LCA5L: variants seen among roughly 807,000 people sequenced by gnomAD.
LCA5L encodes the protein lebercilin LCA5 like.
A neutral mutation model predicts 45.4 loss-of-function variants in LCA5L; 35 were observed. That is an observed-to-expected ratio of 0.77 (90% CI 0.59 to 1.02). The LOEUF is 1.02. Ranked by LOEUF, LCA5L falls within the 50% of genes least tolerant of loss-of-function variation. The pLI is 0.00. For synonymous variants in LCA5L, 233 were observed against 264.7 expected, an observed-to-expected ratio of 0.88 and a Z score of 1.16; for missense variants, 668 against 761.6, an observed-to-expected ratio of 0.88 and a Z score of 1.45.
chr21:39,431,184 G>A (rs774946036), intron 3 of LCA5L, among the ~76,000 whole-genome samples: 16 of 152,146 alleles, frequency 1.1e-4, no homozygotes, highest in Non-Finnish European at 2.1e-4. Flanking sequence ...AGGTGTTACC[G>A]CCCTCTCCAC....
chr21:39,432,164 AACTG>A (rs2148051713), intron 3 of LCA5L, among the ~76,000 whole-genome samples: 1 of 152,330 alleles, frequency 6.6e-6, no homozygotes, highest in South Asian at 2.1e-4. Flanking sequence ...TCAGTGTATA[AACTG>A]ACTGGCCCAG....
At chr21:39,430,035 C>T (rs2075509700) in intron 3 of LCA5L, among the ~76,000 whole-genome samples, 1 of 151,948 alleles carries the variant, frequency 6.6e-6, no homozygotes, top group African/African-American at 2.4e-5. Context: ...AACAAACAAA[C>T]AAACAAACAA....
At chr21:39,439,394 T>G (rs2148246860) in intron 2 of LCA5L, among the ~76,000 whole-genome samples, 1 of 152,354 alleles carries the variant, frequency 6.6e-6, no homozygotes, top group East Asian at 1.9e-4. Context: ...TTGAAGCCAC[T>G]GAGTTTGTGG....
chr21:39,410,189 T>A, intron 9 of LCA5L, 75 bp downstream of exon 9: 1 of 1,246,380 alleles, frequency 8.0e-7, no homozygotes, highest in Non-Finnish European at 1.2e-6. Context: ...ACTTTTCACA[T>A]AGAACAAGTG....
intron 2 of LCA5L, among the ~76,000 whole-genome samples, chr21:39,438,443 A>T (rs970985729): frequency 6.6e-5 from 10 of 152,168 alleles, no homozygotes; most frequent in African/African-American, 2.4e-4. Flanking sequence ...ACTGATAAAA[A>T]TAACTGCATA....
chr21:39,427,426 G>T (rs1165975835), intron 5 of LCA5L, among the ~76,000 whole-genome samples: 2 of 152,180 alleles, frequency 1.3e-5, no homozygotes, highest in Admixed American at 1.3e-4. Flanking sequence ...ACTTTGGGAG[G>T]CCGAGGCAGG....
intron 5 of LCA5L, among the ~76,000 whole-genome samples, chr21:39,426,905 T>C (rs539691727): frequency 1.8e-4 from 28 of 152,292 alleles, no homozygotes; most frequent in Admixed American, 1.5e-3. Flanking sequence ...GAGACTCTGA[T>C]GAAAGGTACA....
At chr21:39,421,023 A>C (rs1378308876) in intron 6 of LCA5L, among the ~76,000 whole-genome samples, 180 bp from the exon 7 acceptor site, 1 of 152,144 alleles carries the variant, frequency 6.6e-6, no homozygotes, top group Non-Finnish European at 1.5e-5. Context: ...CCCAAATCCC[A>C]GATCCCAGCT....
At position 39,430,295 on chromosome 21, in the gene LCA5L, C is replaced by T. The variant is rs141147762; in HGVS notation, c.-91-1084G>A. On this transcript the variant is annotated intron_variant, in intron 3 of 10. Transcript: ENST00000288350. Reference sequence around the variant, plus strand: ...GTTGTTTCTGACTCAAGCTAGAGTTCGGCTGACTTCTGCTAAAGCCCCTCC... The same window carrying T: ...GTTGTTTCTGACTCAAGCTAGAGTTTGGCTGACTTCTGCTAAAGCCCCTCC... 3.3e-5 allele frequency among the ~76,000 whole-genome samples: 5 copies of T among 152,298 alleles called. No homozygotes were observed. In the East Asian group the frequency reaches 9.6e-4, roughly 29 times the overall value.
At chr21:39,425,361 T>C (rs1228292826) in intron 5 of LCA5L, among the ~76,000 whole-genome samples, 1 of 152,166 alleles carries the variant, frequency 6.6e-6, no homozygotes, top group Non-Finnish European at 1.5e-5. Flanking sequence ...GATAAAACAT[T>C]TGAATCATAA....
At chr21:39,427,533 G>C (rs2147892735) in intron 5 of LCA5L, among the ~76,000 whole-genome samples, 1 of 152,046 alleles carries the variant, frequency 6.6e-6, no homozygotes, top group Admixed American at 6.6e-5. Flanking sequence ...GTGGTGGTGG[G>C]TGCCTGTAGT....
At chr21:39,438,390 CAG>C (rs2148219712) in intron 2 of LCA5L, among the ~76,000 whole-genome samples, 1 of 152,052 alleles carries the variant, frequency 6.6e-6, no homozygotes, top group South Asian at 2.1e-4. Context: ...AAAGAAAACA[CAG>C]AGTGTGGAAA....
intron 7 of LCA5L, among the ~76,000 whole-genome samples, chr21:39,420,257 C>T (rs1014227753): frequency 9.9e-5 from 15 of 152,066 alleles, no homozygotes; most frequent in Admixed American, 9.2e-4. Context: ...TGCGGTGGCT[C>T]ACACCTGTAA....
At chr21:39,421,740 A>G (rs753936066) in intron 6 of LCA5L, 21 of 152,292 alleles carry the variant, frequency 1.4e-4, no homozygotes, top group Non-Finnish European at 2.2e-4. Flanking sequence ...CTACAAGGGG[A>G]AAGAATCACT....
intron 7 of LCA5L, among the ~76,000 whole-genome samples, chr21:39,415,313 A>G (rs558068969): frequency 6.6e-6 from 1 of 152,222 alleles, no homozygotes; most frequent in Non-Finnish European, 1.5e-5. Context: ...TTAAAAATGC[A>G]TAAAATATGT....
intron 7 of LCA5L, 135 bp from the exon 8 acceptor site, chr21:39,411,937 C>CAT: frequency 1.8e-6 from 1 of 571,236 alleles, no homozygotes; most frequent in Non-Finnish European, 3.2e-6. Flanking sequence ...AGAAATAGGC[C>CAT]ATATCATCCT....
At chr21:39,427,181 G>A (rs894623316) in intron 5 of LCA5L, among the ~76,000 whole-genome samples, 9 of 152,166 alleles carry the variant, frequency 5.9e-5, no homozygotes, top group Non-Finnish European at 1.3e-4. Flanking sequence ...TGACTGAAGT[G>A]CTCTGATGGT....
chr21:39,428,127 A>C, intron 5 of LCA5L, 45 bp downstream of exon 5: 1 of 1,127,466 alleles, frequency 8.9e-7, no homozygotes, highest in Non-Finnish European at 1.3e-6. Flanking sequence ...AAATAACATC[A>C]TTATGACAGA....
At chr21:39,419,139 C>A (rs781460792) in intron 7 of LCA5L, among the ~76,000 whole-genome samples, 5 of 152,056 alleles carry the variant, frequency 3.3e-5, no homozygotes, top group African/African-American at 9.7e-5. Context: ...CGTCCAGCTC[C>A]GCCCCAACTC....
Sources: allele counts gnomAD v4.1 joint callset (sites outside exome capture counted in the v4.1 genomes callset), GRCh38; gene constraint gnomAD v4.1.1; transcripts MANE v1.5; gene names NCBI Gene and HGNC (gene_info 2026-07-23, HGNC 2026-07-21).